Variants in NBEA observed in about 807,000 individuals in gnomAD.
NBEA encodes the protein neurobeachin, also known as lysosomal-trafficking regulator 2.
NBEA carries 44 observed loss-of-function variants against 343.4 expected under a neutral mutation model. The observed-to-expected ratio is 0.13, with a 90% CI of 0.10 to 0.16. The LOEUF is 0.16. Ranked by LOEUF, NBEA falls within the 10% of genes least tolerant of loss-of-function variation. NBEA has a pLI of 1.00. For missense variants in NBEA, 2,555 were observed against 3,631.3 expected (o/e 0.70, Z 7.62); for synonymous variants, 1,175 against 1,238.7 (o/e 0.95, Z 1.08).
At chr13:35,303,406 G>A (rs1228946725) in intron 35 of NBEA, among the ~76,000 whole-genome samples, 5 of 152,038 alleles carry the variant, frequency 3.3e-5, no homozygotes, top group Non-Finnish European at 5.9e-5. Flanking sequence ...TACTCAGACT[G>A]TAGCAGGTAT....
Position 35,217,483 on chromosome 13 carries a change from G to C in NBEA, c.5648+6304G>C, listed in dbSNP as rs571364293. ...AAATTTATATTGTATTTTCTATAAA[G>C]TTTTGTGGTTTAAAAGTTGTTTTAC... On this transcript the variant is annotated intron_variant, in intron 33 of 58. Coordinates refer to ENST00000379939, the MANE Select transcript of NBEA (RefSeq NM_001385012.1). 2.7e-3 allele frequency among the ~76,000 whole-genome samples: 406 copies of C among 152,020 alleles called. 3 individuals carry two copies. The highest frequency in any genetic ancestry group is 9.2e-3 in the African/African-American group (380 of 41,516).
At chr13:35,459,017 C>CCCA (rs1555270534) in intron 40 of NBEA, among the ~76,000 whole-genome samples, 13 of 74,928 alleles carry the variant, frequency 1.7e-4, no homozygotes, top group Admixed American at 1.0e-3. Flanking sequence ...CCCCCCCCCC[C>CCCA]CACACACACA....
chr13:35,355,287 A>G (rs962921374), intron 38 of NBEA, among the ~76,000 whole-genome samples: 1 of 152,056 alleles, frequency 6.6e-6, no homozygotes, highest in Admixed American at 6.6e-5. Flanking sequence ...CTGTCCTCCT[A>G]AAGTCCATTC....
rs559051494 is a variant in NBEA at position 35,663,163 on chromosome 13, A to G, written c.8363-1922A>G. ...TCTAGTTATTTTGAAATGTACAATA[A>G]ATTATTAGCCGTAGTCACCCTATTT... On this transcript the variant is annotated intron_variant, in intron 55 of 58. Transcript: ENST00000379939. Among the ~76,000 whole-genome samples the G allele has an allele frequency of 2.3e-4, 35 of 152,308 alleles. 1 individual carries two copies. In the South Asian group the frequency reaches 6.6e-3, roughly 29 times the overall value.
intron 41 of NBEA, among the ~76,000 whole-genome samples, chr13:35,480,288 T>C (rs1480889573): frequency 1.3e-5 from 2 of 152,078 alleles, no homozygotes; most frequent in African/African-American, 2.4e-5. Context: ...AATAGTGTCA[T>C]TATTAAGCTT....
chr13:35,030,357 T>C (rs2062162885), intron 1 of NBEA, among the ~76,000 whole-genome samples: 1 of 151,626 alleles, frequency 6.6e-6, no homozygotes, highest in African/African-American at 2.4e-5. Flanking sequence ...TTACTCTTCA[T>C]AGAGCTTTAT....
intron 36 of NBEA, among the ~76,000 whole-genome samples, chr13:35,319,906 A>G (rs2038016604): frequency 6.8e-6 from 1 of 147,990 alleles, no homozygotes; most frequent in Admixed American, 6.7e-5. Context: ...AGGGACTACG[A>G]TTGCAACCTC....
At chr13:35,246,376 C>T (rs73169703) in intron 34 of NBEA, among the ~76,000 whole-genome samples, 12 of 152,182 alleles carry the variant, frequency 7.9e-5, no homozygotes, top group East Asian at 1.9e-4. Context: ...TGTCATATTA[C>T]GCAAATTATT....
chr13:35,155,722 AATT>A (rs2069127297), intron 18 of NBEA, 49 bp from the exon 19 acceptor site: 2 of 1,398,786 alleles, frequency 1.4e-6, no homozygotes, highest in Non-Finnish European at 2.0e-6. Context: ...TATATTTTGC[AATT>A]ATTATTTAAA....
chr13:35,027,784 G>C (rs545807989), intron 1 of NBEA, among the ~76,000 whole-genome samples: 1 of 151,898 alleles, frequency 6.6e-6, no homozygotes, highest in East Asian at 1.9e-4. Context: ...TTTCTGCTAT[G>C]TTATCTTCTA....
chr13:35,039,782 C>T (rs988746750), intron 1 of NBEA, among the ~76,000 whole-genome samples: 11 of 152,208 alleles, frequency 7.2e-5, no homozygotes, highest in African/African-American at 2.4e-4. Flanking sequence ...ACTTCTTGAT[C>T]CTAATTCTAC....
At chr13:35,085,057 C>A (rs1470961891) in intron 10 of NBEA, among the ~76,000 whole-genome samples, 1 of 152,084 alleles carries the variant, frequency 6.6e-6, no homozygotes, top group Non-Finnish European at 1.5e-5. Flanking sequence ...TCTGAATAGA[C>A]CAATAACAGG....
intron 1 of NBEA, 102 bp from the exon 2 acceptor site, chr13:35,040,831 A>T (rs1378862012): frequency 1.0e-6 from 1 of 981,526 alleles, no homozygotes; most frequent in Non-Finnish European, 1.5e-6. Flanking sequence ...GAATCCTTGA[A>T]ATTTTTTAGA....
chr13:35,211,856 T>A (rs988580116), intron 33 of NBEA, among the ~76,000 whole-genome samples: 8 of 141,902 alleles, frequency 5.6e-5, no homozygotes, highest in South Asian at 2.3e-4. Flanking sequence ...ACAAACAAAC[T>A]AAGTAACTTT....
chr13:34,979,616 C>T (rs1379435731), intron 1 of NBEA, among the ~76,000 whole-genome samples: 1 of 151,928 alleles, frequency 6.6e-6, no homozygotes, highest in Non-Finnish European at 1.5e-5. Context: ...GTTCATTATC[C>T]TAGATACAGA....
rs2062810327 is a variant in NBEA, at chr13:35,045,346, T to C, written c.668T>C (p.Met223Thr). 3.7e-6 allele frequency: 6 copies of C among 1,612,648 alleles called. No individual in the cohort carries two copies. The highest frequency in any genetic ancestry group is 4.2e-6 in the Non-Finnish European group (5 of 1,179,370). ...AAATTATTATCAGTTCTTAATCAGA[T>C]GCCACAGAGACACGGTCCTGATACT... Reference protein sequence around the residue: ...AVKLLSVLNQMPQRHGPDTFF... With the variant: ...AVKLLSVLNQTPQRHGPDTFF... The change falls in exon 4 of 59, where the codon ATG becomes ACG. Residue 223 changes from methionine to threonine, a missense_variant. Around this residue, in one of 21 missense-constraint regions of NBEA, gnomAD observed 185 missense variants for 290.6 expected, o/e 0.64. Coordinates refer to ENST00000379939, the MANE Select transcript of NBEA (RefSeq NM_001385012.1).
At chr13:35,485,219 G>A (rs2076266489) in intron 41 of NBEA, among the ~76,000 whole-genome samples, 3 of 152,034 alleles carry the variant, frequency 2.0e-5, no homozygotes, top group South Asian at 4.1e-4. Context: ...GATGTGTACA[G>A]TTTAGCTAAT....
intron 24 of NBEA, among the ~76,000 whole-genome samples, chr13:35,164,895 C>T (rs2069868976): frequency 6.6e-6 from 1 of 152,036 alleles, no homozygotes; most frequent in South Asian, 2.1e-4. Context: ...CTATATAAAA[C>T]ATTGAAATGT....
At chr13:35,207,907 C>A (rs1593750732) in intron 31 of NBEA, among the ~76,000 whole-genome samples, 1 of 152,174 alleles carries the variant, frequency 6.6e-6, no homozygotes, top group East Asian at 1.9e-4. Flanking sequence ...TTCAGCTTTA[C>A]TATGAAGAAG....
Sources: gnomAD v4.1 joint callset for allele counts (sites outside exome capture counted in the v4.1 genomes callset) on GRCh38, gnomAD v4.1.1 for gene constraint, gnomAD v4.1.1 regional missense constraint, MANE v1.5 for transcripts, NCBI Gene and HGNC (gene_info 2026-07-23, HGNC 2026-07-21) for gene names.